The following CNTNAP2 variants were observed in gnomAD, a reference collection of about 807,000 sequenced individuals.
CNTNAP2 encodes the protein contactin-associated protein-like 2.
In CNTNAP2, 98 loss-of-function variants were observed where a neutral mutation model predicts 155.2. The observed-to-expected ratio is 0.63, with a 90% CI of 0.54 to 0.75. CNTNAP2 has a LOEUF of 0.75. Ranked by LOEUF, CNTNAP2 falls within the 30% of genes least tolerant of loss-of-function variation. The probability of loss-of-function intolerance (pLI) is 0.00; values close to 1 mark genes in which losing one functional copy is unlikely to be tolerated. For missense variants in CNTNAP2, 1,727 were observed against 1,688.1 expected (o/e 1.02, Z -0.40); for synonymous variants, 651 against 631.2 (o/e 1.03, Z -0.47).
chr7:147,572,485 A>C (rs1228165781), intron 12 of CNTNAP2, among the ~76,000 whole-genome samples: 1 of 152,132 alleles, frequency 6.6e-6, no homozygotes, highest in Admixed American at 6.5e-5. Context: ...TCTTCCTTCA[A>C]ATGTTTTCAT....
intron 11 of CNTNAP2, among the ~76,000 whole-genome samples, chr7:147,492,954 T>C (rs937394708): frequency 1.3e-5 from 2 of 151,840 alleles, no homozygotes; most frequent in Admixed American, 1.3e-4. Flanking sequence ...CAATGAGATA[T>C]TGTTTATTAA....
intron 1 of CNTNAP2, among the ~76,000 whole-genome samples, chr7:146,270,185 A>G (rs1314419803): frequency 6.6e-6 from 1 of 152,184 alleles, no homozygotes; most frequent in Non-Finnish European, 1.5e-5. Context: ...CGTCTGCCCC[A>G]CTGCCTACAG....
chr7:147,467,309 A>C (rs2116600351), intron 10 of CNTNAP2, among the ~76,000 whole-genome samples: 1 of 152,356 alleles, frequency 6.6e-6, no homozygotes, highest in South Asian at 2.1e-4. Context: ...AACTACTTGT[A>C]GGCATTCGGA....
chr7:147,466,204 G>C (rs1798116980), intron 10 of CNTNAP2, among the ~76,000 whole-genome samples: 1 of 152,338 alleles, frequency 6.6e-6, no homozygotes, highest in Middle Eastern at 3.4e-3. Context: ...AATGCTAATA[G>C]ATTTAGTGGG....
At chr7:148,060,589 A>G (rs1453998706) in intron 15 of CNTNAP2, among the ~76,000 whole-genome samples, 2 of 152,240 alleles carry the variant, frequency 1.3e-5, no homozygotes, top group African/African-American at 4.8e-5. Flanking sequence ...GTATCAACAT[A>G]GTAACTCTTG....
chr7:147,850,585 T>A (rs1177812511), intron 13 of CNTNAP2, among the ~76,000 whole-genome samples: 1 of 152,042 alleles, frequency 6.6e-6, no homozygotes, highest in Non-Finnish European at 1.5e-5. Flanking sequence ...TATAGACCAA[T>A]GGAACAGAAC....
In CNTNAP2 at chr7:147,426,322, A is replaced by G. The variant is rs527393270; in HGVS notation, c.1670+30542A>G. 2.4e-4 allele frequency among the ~76,000 whole-genome samples: 36 copies of G among 152,208 alleles called. No homozygotes were observed. The South Asian group carries it at 6.6e-3, about 28-fold the overall frequency. The stretch of plus-strand genomic sequence containing the variant: ...TATTAAAACTTCAAGTCACAGACCA[A>G]CTAAGTGCTTCTTTGGTGTGTGTGT... On this transcript the variant is annotated intron_variant, in intron 10 of 23. Transcript: ENST00000361727.
intron 8 of CNTNAP2, among the ~76,000 whole-genome samples, chr7:147,212,707 C>T (rs1584796069): frequency 6.6e-6 from 1 of 152,106 alleles, no homozygotes; most frequent in Non-Finnish European, 1.5e-5. Flanking sequence ...CCATACAACA[C>T]ACTTGAACAT....
chr7:146,118,394 T>G (rs1008364538), intron 1 of CNTNAP2, among the ~76,000 whole-genome samples: 1 of 152,138 alleles, frequency 6.6e-6, no homozygotes, highest in Non-Finnish European at 1.5e-5. Flanking sequence ...AAACAAATTT[T>G]GGGGATATAA....
At chr7:147,925,717 T>C (rs1800386558) in intron 14 of CNTNAP2, among the ~76,000 whole-genome samples, 1 of 152,194 alleles carries the variant, frequency 6.6e-6, no homozygotes, top group Non-Finnish European at 1.5e-5. Context: ...CGCCTCGGCC[T>C]CCCAAAGTGC....
intron 1 of CNTNAP2, among the ~76,000 whole-genome samples, chr7:146,260,822 T>C (rs1273212838): frequency 1.3e-5 from 2 of 152,216 alleles, no homozygotes; most frequent in East Asian, 1.9e-4. Flanking sequence ...GTTAATACTT[T>C]AGGGGACTGT....
Position 146,748,659 on chromosome 7 carries a change from A to T in CNTNAP2, c.98-25612A>T, listed in dbSNP as rs1462802786. 5.3e-5 allele frequency among the ~76,000 whole-genome samples: 8 copies of T among 152,230 alleles called. No individual in the cohort carries two copies. The South Asian group carries it at 1.7e-3, about 31-fold the overall frequency. ...ATACGTTTTTGAAGATTTTAACTCA[A>T]TGTAATGGAAAACATTTATAATATG... On this transcript the variant is annotated intron_variant, in intron 1 of 23. Transcript: ENST00000361727.
chr7:147,795,505 G>A (rs1443053840), intron 13 of CNTNAP2, among the ~76,000 whole-genome samples: 1 of 151,242 alleles, frequency 6.6e-6, no homozygotes, highest in African/African-American at 2.4e-5. Context: ...GCTTTCGTTG[G>A]TTTCAGGTGT....
intron 9 of CNTNAP2, among the ~76,000 whole-genome samples, chr7:147,323,861 CACAA>C (rs1795399724): frequency 6.7e-6 from 1 of 148,340 alleles, no homozygotes. Context: ...TTCTGTTCTC[CACAA>C]ACAGCTTTAT....
intron 3 of CNTNAP2, among the ~76,000 whole-genome samples, chr7:146,878,528 C>A (rs1795475277): frequency 6.6e-6 from 1 of 151,628 alleles, no homozygotes; most frequent in African/African-American, 2.4e-5. Flanking sequence ...AAAACCATAT[C>A]TTTTTAATAT....
intron 18 of CNTNAP2, among the ~76,000 whole-genome samples, chr7:148,193,716 T>C (rs937343402): frequency 2.0e-5 from 3 of 152,120 alleles, no homozygotes; most frequent in Admixed American, 6.5e-5. Flanking sequence ...ACACTCCTTA[T>C]CTGACCTTAC....
At chr7:147,491,552 C>T (rs1169480092) in intron 11 of CNTNAP2, among the ~76,000 whole-genome samples, 2 of 152,234 alleles carry the variant, frequency 1.3e-5, no homozygotes, top group African/African-American at 4.8e-5. Context: ...CCACTGGTCT[C>T]TGCATCTCTG....
chr7:147,601,122 G>C (rs193139300), intron 12 of CNTNAP2, among the ~76,000 whole-genome samples: 1 of 152,206 alleles, frequency 6.6e-6, no homozygotes, highest in Admixed American at 6.5e-5. Context: ...TCCATTCACA[G>C]CCAATGTTGT....
intron 1 of CNTNAP2, among the ~76,000 whole-genome samples, chr7:146,217,674 AAATT>A (rs1799135329): frequency 6.6e-6 from 1 of 152,194 alleles, no homozygotes; most frequent in Non-Finnish European, 1.5e-5. Flanking sequence ...TATATAGACA[AAATT>A]AATCTAGGAT....
Sources: gnomAD v4.1 joint callset for allele counts (sites outside exome capture counted in the v4.1 genomes callset) on GRCh38, gnomAD v4.1.1 for gene constraint, MANE v1.5 for transcripts, NCBI Gene and HGNC (gene_info 2026-07-23, HGNC 2026-07-21) for gene names.